FHIT: variants seen among roughly 807,000 people sequenced by gnomAD.
The protein encoded by FHIT is fragile histidine triad diadenosine triphosphatase, also known as bis(5'-adenosyl)-triphosphatase.
Under a neutral mutation model 17.9 loss-of-function variants are expected in FHIT, and 19 were observed. That is an observed-to-expected ratio of 1.06 (90% CI 0.74 to 1.56). The LOEUF (loss-of-function observed/expected upper bound fraction) is 1.56, where lower values mean the gene tolerates loss of function less well. Among genes scored for constraint, FHIT ranks in the 40% most tolerant of loss-of-function variants. The pLI is 0.00. For missense variants in FHIT, 248 were observed against 189.2 expected, an observed-to-expected ratio of 1.31 and a Z score of -1.82; for synonymous variants, 81 against 69.7, an observed-to-expected ratio of 1.16 and a Z score of -0.81.
At chr3:60,039,744 T>C (rs543797518) in intron 5 of FHIT, among the ~76,000 whole-genome samples, 6 of 152,308 alleles carry the variant, frequency 3.9e-5, no homozygotes, top group African/African-American at 9.6e-5. Context: ...TGGTGGAAGA[T>C]AGTATCTCAG....
At chr3:60,198,742 A>G (rs1702759394) in intron 5 of FHIT, among the ~76,000 whole-genome samples, 1 of 152,146 alleles carries the variant, frequency 6.6e-6, no homozygotes, top group Non-Finnish European at 1.5e-5. Flanking sequence ...CCAAGTTTCA[A>G]TTTCTCAATC....
chr3:60,738,498 G>GTC (rs1465767073), intron 4 of FHIT, among the ~76,000 whole-genome samples: 1 of 152,154 alleles, frequency 6.6e-6, no homozygotes, highest in Non-Finnish European at 1.5e-5. Context: ...CAGGCTCAGA[G>GTC]TCCTATCTGT....
chr3:61,021,081 C>G (rs867240618), intron 3 of FHIT, among the ~76,000 whole-genome samples: 1 of 152,090 alleles, frequency 6.6e-6, no homozygotes, highest in East Asian at 1.9e-4. Flanking sequence ...CAGAATAATA[C>G]TGGGAGACTT....
At chr3:60,019,232 C>T (rs549228077) in intron 5 of FHIT, among the ~76,000 whole-genome samples, 1 of 152,166 alleles carries the variant, frequency 6.6e-6, no homozygotes, top group East Asian at 1.9e-4. Context: ...AAGAAAATCA[C>T]AAGCCAACCC....
intron 4 of FHIT, among the ~76,000 whole-genome samples, chr3:60,719,531 A>G (rs1422478862): frequency 1.3e-5 from 2 of 152,092 alleles, no homozygotes; most frequent in Admixed American, 6.5e-5. Flanking sequence ...GCTCCACTCT[A>G]CTACATCTGA....
chr3:60,171,499 T>C (rs1435275929), intron 5 of FHIT, among the ~76,000 whole-genome samples: 1 of 152,202 alleles, frequency 6.6e-6, no homozygotes, highest in Non-Finnish European at 1.5e-5. Flanking sequence ...GCCAACTGGA[T>C]GCTGAATTGC....
intron 5 of FHIT, among the ~76,000 whole-genome samples, chr3:60,257,643 G>A (rs1157211994): frequency 1.3e-5 from 2 of 152,164 alleles, no homozygotes; most frequent in African/African-American, 4.8e-5. Flanking sequence ...AAGGAAGGTG[G>A]AGGTAAAGTA....
intron 1 of FHIT, among the ~76,000 whole-genome samples, chr3:61,214,254 A>C (rs1263206399): frequency 3.3e-5 from 5 of 152,010 alleles, no homozygotes; most frequent in African/African-American, 1.2e-4. Flanking sequence ...ATTGACAGAC[A>C]GCTAGCAAGA....
intron 7 of FHIT, among the ~76,000 whole-genome samples, chr3:59,947,503 T>A (rs949181744): frequency 1.3e-5 from 2 of 152,212 alleles, no homozygotes; most frequent in African/African-American, 4.8e-5. Context: ...CATGTCTTAA[T>A]TTCATTCAGT....
At chr3:60,540,052 AAG>A (rs1399319800) in intron 4 of FHIT, among the ~76,000 whole-genome samples, 1 of 152,048 alleles carries the variant, frequency 6.6e-6, no homozygotes, top group Admixed American at 6.6e-5. Context: ...ATCTCCCAGG[AAG>A]AGAGAGGGGC....
chr3:60,768,413 G>C (rs1553722092), intron 4 of FHIT, among the ~76,000 whole-genome samples: 1 of 152,024 alleles, frequency 6.6e-6, no homozygotes, highest in Non-Finnish European at 1.5e-5. Flanking sequence ...GGTAGGCAAG[G>C]CCTCTTTCCC....
rs796570914 is a variant in FHIT at position 60,044,579 on chromosome 3, A to C, written c.104-30427T>G. Among the ~76,000 whole-genome samples, 1,310 of 152,264 alleles carry C rather than the reference A, an allele frequency of 8.6e-3. 30 individuals are homozygous for C. The highest frequency in any genetic ancestry group is 0.071 in the South Asian group (343 of 4,824). On this transcript the variant is annotated intron_variant, in intron 5 of 9. Coordinates refer to ENST00000492590, the MANE Select transcript of FHIT (RefSeq NM_002012.4). Reference sequence around the variant, plus strand: ...AAGGAAGAGGAGGAGAAAGAACAACAATGATATCATGGTAAAGGCCTGTAG... The same window carrying C: ...AAGGAAGAGGAGGAGAAAGAACAACCATGATATCATGGTAAAGGCCTGTAG...
intron 5 of FHIT, among the ~76,000 whole-genome samples, chr3:60,061,637 T>C (rs1357827650): frequency 6.6e-6 from 1 of 152,216 alleles, no homozygotes; most frequent in Admixed American, 6.5e-5. Context: ...CTTCCACAAG[T>C]TTTACATCAT....
intron 3 of FHIT, among the ~76,000 whole-genome samples, chr3:60,878,767 G>C (rs1369634664): frequency 6.6e-6 from 1 of 151,894 alleles, no homozygotes; most frequent in East Asian, 1.9e-4. Flanking sequence ...GCAATAATTT[G>C]CTGAGAATGA....
intron 3 of FHIT, among the ~76,000 whole-genome samples, chr3:60,996,284 A>C (rs2030668006): frequency 6.6e-6 from 1 of 152,196 alleles, no homozygotes; most frequent in Non-Finnish European, 1.5e-5. Flanking sequence ...CCGGATGCAA[A>C]ATGCGGTGCA....
chr3:61,180,455 A>G (rs1301594501), intron 2 of FHIT, among the ~76,000 whole-genome samples: 1 of 152,172 alleles, frequency 6.6e-6, no homozygotes, highest in Non-Finnish European at 1.5e-5. Flanking sequence ...TTCCCTCTCA[A>G]CGATAAATTC....
At chr3:60,007,732 A>G (rs1485553545) in intron 7 of FHIT, among the ~76,000 whole-genome samples, 1 of 152,188 alleles carries the variant, frequency 6.6e-6, no homozygotes, top group Non-Finnish European at 1.5e-5. Context: ...GTATGATTGG[A>G]TGATAAAAGA....
intron 4 of FHIT, among the ~76,000 whole-genome samples, chr3:60,540,312 T>G (rs2107605560): frequency 6.6e-6 from 1 of 152,302 alleles, no homozygotes; most frequent in Non-Finnish European, 1.5e-5. Context: ...TAAACTTAAG[T>G]ATTTCCCTGA....
At position 60,154,195 on chromosome 3, in the gene FHIT, G is replaced by A. The variant is rs188946284; in HGVS notation, c.104-140043C>T. Among the ~76,000 whole-genome samples, 100 of 152,266 alleles carry A rather than the reference G, an allele frequency of 6.6e-4. 1 individual carries two copies. Among genetic ancestry groups the A allele is most frequent in the Admixed American group, 6.1e-3 (93 of 15,290 alleles). On this transcript the variant is annotated intron_variant, in intron 5 of 9. Coordinates refer to ENST00000492590, the MANE Select transcript of FHIT (RefSeq NM_002012.4). Reference sequence around the variant, plus strand: ...CCATATCCTACTGCTCAAAGTCATCGCCAAGGTCTGATTTTTCACTCATGC... The same window carrying A: ...CCATATCCTACTGCTCAAAGTCATCACCAAGGTCTGATTTTTCACTCATGC...
Sources: gnomAD v4.1 joint callset for allele counts (sites outside exome capture counted in the v4.1 genomes callset) on GRCh38, gnomAD v4.1.1 for gene constraint, MANE v1.5 for transcripts, NCBI Gene and HGNC (gene_info 2026-07-23, HGNC 2026-07-21) for gene names.